Variants in SMYD3 observed in about 807,000 individuals in gnomAD.
SMYD3 encodes the protein SET and MYND domain containing 3.
SMYD3 carries 36 observed loss-of-function variants against 57.7 expected under a neutral mutation model. The ratio of observed to expected loss-of-function variants is 0.62; its 90% CI spans 0.48 to 0.82. The LOEUF is 0.82. SMYD3 is among the 40% of genes least tolerant of loss of function. SMYD3 has a pLI of 0.00. For synonymous variants in SMYD3, 211 were observed against 195.0 expected (o/e 1.08, Z -0.68); for missense variants, 515 against 538.8 (o/e 0.96, Z 0.44).
At chr1:245,765,261 G>A (rs2046036494) in intron 10 of SMYD3, among the ~76,000 whole-genome samples, 1 of 151,608 alleles carries the variant, frequency 6.6e-6, no homozygotes, top group African/African-American at 2.4e-5. Context: ...GCCAGGTGTA[G>A]TGGAGCATGC....
chr1:245,883,964 G>A (rs187999825), intron 8 of SMYD3, among the ~76,000 whole-genome samples: 12 of 152,120 alleles, frequency 7.9e-5, no homozygotes, highest in Admixed American at 3.3e-4. Flanking sequence ...TTCCTTTAGC[G>A]GTAGGATGTC....
At chr1:246,200,600 A>C (rs12131455) in intron 5 of SMYD3, among the ~76,000 whole-genome samples, 34,251 of 130,550 alleles carry the variant, frequency 0.26, 4,558 homozygotes, top group East Asian at 0.58. Context: ...ATGTACACAG[A>C]CGTCACTATA....
chr1:246,475,276 C>A (rs1035893785), intron 1 of SMYD3, among the ~76,000 whole-genome samples: 3 of 149,990 alleles, frequency 2.0e-5, no homozygotes, highest in African/African-American at 7.4e-5. Context: ...TGCAGTGAGC[C>A]GAGAGCCCAC....
chr1:246,323,277 T>C (rs1441363740), intron 5 of SMYD3, among the ~76,000 whole-genome samples: 1 of 152,184 alleles, frequency 6.6e-6, no homozygotes, highest in African/African-American at 2.4e-5. Context: ...GTATTAACAC[T>C]GGTGCTAAGA....
intron 5 of SMYD3, among the ~76,000 whole-genome samples, chr1:246,010,736 G>T (rs1349136519): frequency 2.0e-5 from 3 of 152,202 alleles, no homozygotes; most frequent in Non-Finnish European, 4.4e-5. Context: ...TAAAATAATT[G>T]TTCCATATGT....
chr1:245,991,618 G>T (rs1363131692), intron 5 of SMYD3, among the ~76,000 whole-genome samples: 1 of 152,236 alleles, frequency 6.6e-6, no homozygotes, highest in Non-Finnish European at 1.5e-5. Context: ...CCGGCTGTTT[G>T]CCAGGGGCTT....
chr1:246,357,422 G>T (rs1289292965), intron 1 of SMYD3, among the ~76,000 whole-genome samples: 1 of 152,194 alleles, frequency 6.6e-6, no homozygotes, highest in Non-Finnish European at 1.5e-5. Flanking sequence ...GGTCAAAAAA[G>T]GGGAGGCATG....
chr1:246,029,538 G>A (rs556865133), intron 5 of SMYD3, among the ~76,000 whole-genome samples: 2 of 151,910 alleles, frequency 1.3e-5, no homozygotes, highest in Non-Finnish European at 2.9e-5. Flanking sequence ...CAGGCGTGGT[G>A]ACACACGCCT....
chr1:245,789,790 G>C (rs1289081984), intron 10 of SMYD3, among the ~76,000 whole-genome samples: 1 of 152,208 alleles, frequency 6.6e-6, no homozygotes, highest in Non-Finnish European at 1.5e-5. Flanking sequence ...CCCTGCTCAG[G>C]CTTTGTACTT....
intron 10 of SMYD3, among the ~76,000 whole-genome samples, chr1:245,833,028 G>A (rs2049923435): frequency 7.7e-6 from 1 of 130,044 alleles, no homozygotes; most frequent in South Asian, 2.7e-4. Flanking sequence ...GGCAATCTCT[G>A]TTGCCTTTAA....
intron 5 of SMYD3, among the ~76,000 whole-genome samples, chr1:246,198,840 C>T (rs1314479255): frequency 6.6e-6 from 1 of 152,086 alleles, no homozygotes; most frequent in Admixed American, 6.5e-5. Flanking sequence ...TTTTCTTGAC[C>T]AGACTGAGTA....
chr1:245,749,398 T>A lies in SMYD3; in HGVS notation c.*165A>T. On this transcript the variant is annotated 3_prime_UTR_variant, in exon 12 of 12. Coordinates refer to ENST00000490107, the MANE Select transcript of SMYD3 (RefSeq NM_001167740.2). ...TATAATCGTGCTTCTCTACAACTAATGATTCTTGTGGTTTGCAAACCATGT... is the reference window on the plus strand; with the variant it reads ...TATAATCGTGCTTCTCTACAACTAAAGATTCTTGTGGTTTGCAAACCATGT... 1 of 542,626 alleles carries A rather than the reference T, an allele frequency of 1.8e-6. No homozygotes were observed. Among genetic ancestry groups the A allele is most frequent in the Non-Finnish European group, 3.2e-6 (1 of 308,236 alleles). The allele number at this position is 542,626 out of a possible 1,614,324, so 33.6% of individuals were successfully genotyped here.
At chr1:246,329,320 G>T (rs1386550240) in intron 4 of SMYD3, among the ~76,000 whole-genome samples, 1 of 152,100 alleles carries the variant, frequency 6.6e-6, no homozygotes, top group East Asian at 1.9e-4. Context: ...GTGTAAAAGT[G>T]TTCCTATTTC....
At chr1:245,765,660 A>G (rs112180070) in intron 10 of SMYD3, among the ~76,000 whole-genome samples, 135 of 152,286 alleles carry the variant, frequency 8.9e-4, no homozygotes, top group African/African-American at 3.0e-3. Context: ...CTGGCTCCCA[A>G]GGATTTGGAG....
chr1:245,867,318 G>A (rs1180285059), intron 8 of SMYD3, among the ~76,000 whole-genome samples: 1 of 152,178 alleles, frequency 6.6e-6, no homozygotes. Flanking sequence ...TCTGAGACTT[G>A]GGTCAGGCTT....
At chr1:245,768,260 A>G (rs925656945) in intron 10 of SMYD3, among the ~76,000 whole-genome samples, 4 of 152,188 alleles carry the variant, frequency 2.6e-5, no homozygotes, top group Non-Finnish European at 2.9e-5. Context: ...ATAAGTGCAT[A>G]AGAAGAAATG....
intron 5 of SMYD3, among the ~76,000 whole-genome samples, chr1:246,288,930 A>G (rs1448654451): frequency 6.6e-6 from 1 of 152,104 alleles, no homozygotes; most frequent in African/African-American, 2.4e-5. Flanking sequence ...CTTGGCCAAC[A>G]TGGTGAAACC....
intron 1 of SMYD3, among the ~76,000 whole-genome samples, chr1:246,477,783 C>T (rs1000489227): frequency 6.6e-6 from 1 of 152,164 alleles, no homozygotes; most frequent in Admixed American, 6.5e-5. Flanking sequence ...GAGCCATATA[C>T]GGCCTGTGGA....
chr1:245,867,666 GCGCACA>G (rs1158190098), intron 8 of SMYD3, among the ~76,000 whole-genome samples: 39 of 139,824 alleles, frequency 2.8e-4, no homozygotes, highest in African/African-American at 8.8e-4. Flanking sequence ...GTGCGTGCGC[GCGCACA>G]CACACACACA....
Sources: gnomAD v4.1 joint callset for allele counts (sites outside exome capture counted in the v4.1 genomes callset) on GRCh38, gnomAD v4.1.1 for gene constraint, MANE v1.5 for transcripts, NCBI Gene and HGNC (gene_info 2026-07-23, HGNC 2026-07-21) for gene names.